The following ADCY10 variants were observed in gnomAD, a reference collection of about 807,000 sequenced individuals.
ADCY10 encodes the protein adenylate cyclase type 10.
A neutral mutation model predicts 183.3 loss-of-function variants in ADCY10; 156 were observed. The ratio of observed to expected loss-of-function variants is 0.85; its 90% CI spans 0.75 to 0.97. The LOEUF (loss-of-function observed/expected upper bound fraction) is 0.97. Among genes scored for constraint, ADCY10 ranks in the 50% least tolerant of loss-of-function variants. ADCY10 has a pLI of 0.00. For synonymous variants in ADCY10, 645 were observed against 670.0 expected, an observed-to-expected ratio of 0.96 and a Z score of 0.58; for missense variants, 1,745 against 1,934.3, an observed-to-expected ratio of 0.90 and a Z score of 1.84.
At chr1:167,880,367 C>T (rs1667787030) in intron 10 of ADCY10, 124 bp downstream of exon 10, 6 of 953,462 alleles carry the variant, frequency 6.3e-6, no homozygotes. Context: ...GGAGGAACAA[C>T]AGTTTGAGAC....
At chr1:167,849,718 A>G (rs935765840) in intron 18 of ADCY10, among the ~76,000 whole-genome samples, 1 of 152,254 alleles carries the variant, frequency 6.6e-6, no homozygotes, top group African/African-American at 2.4e-5. Context: ...GCAAAGAGTA[A>G]CATGTTGTGG....
intron 8 of ADCY10, among the ~76,000 whole-genome samples, chr1:167,884,603 C>T (rs556178674): frequency 3.3e-5 from 5 of 152,108 alleles, no homozygotes; most frequent in African/African-American, 9.6e-5. Context: ...TACTCATTGA[C>T]CACCCCCAAT....
At chr1:167,896,718 C>T in intron 6 of ADCY10, 27 bp from the exon 7 acceptor site, 1 of 1,478,640 alleles carries the variant, frequency 6.8e-7, no homozygotes, top group Non-Finnish European at 9.5e-7. Context: ...GAGAAGTTTT[C>T]AGTTATTCTG....
chr1:167,858,262 G>A (rs1217826431), intron 16 of ADCY10, among the ~76,000 whole-genome samples: 3 of 152,098 alleles, frequency 2.0e-5, no homozygotes, highest in Non-Finnish European at 2.9e-5. Context: ...CACTTTGGGA[G>A]GCTGAGATGG....
At chr1:167,869,202 T>C (rs1391104032) in intron 14 of ADCY10, among the ~76,000 whole-genome samples, 1 of 152,194 alleles carries the variant, frequency 6.6e-6, no homozygotes, top group Non-Finnish European at 1.5e-5. Context: ...AAAACTCTTA[T>C]ATAGGAGTTA....
chr1:167,828,127 CT>C (rs550746650), intron 26 of ADCY10, among the ~76,000 whole-genome samples: 214 of 152,292 alleles, frequency 1.4e-3, no homozygotes, highest in African/African-American at 5.1e-3. Flanking sequence ...CTCTATTTTT[CT>C]TTGGACTATC....
At chr1:167,844,703 C>G (rs997990207) in intron 21 of ADCY10, among the ~76,000 whole-genome samples, 1 of 152,016 alleles carries the variant, frequency 6.6e-6, no homozygotes, top group Non-Finnish European at 1.5e-5. Flanking sequence ...AAATGGAGAA[C>G]GAATGAGAAA....
rs113880591 is a variant in ADCY10 at position 167,845,990 on chromosome 1, C to T, written c.2711G>A (p.Gly904Glu). ...TCACTCCAGGTGCTACTCACCCATC[C>T]CTTCACTGGGCTTCAGAGACAAGGA... ...YRSLSLKPSE[G>E]MDHGEEEQLR... Residue 904 changes from glycine to glutamate, a missense_variant, in exon 20 of 33, where the codon GGG (glycine) becomes GAG (glutamate). Transcript: ENST00000367851. 4.3e-6 allele frequency: 7 copies of T among 1,614,168 alleles called. No individual in the cohort carries two copies. The African/African-American group carries it at 6.7e-5, about 15-fold the overall frequency.
chr1:167,876,800 T>C (rs916504384), intron 12 of ADCY10, among the ~76,000 whole-genome samples: 1 of 152,200 alleles, frequency 6.6e-6, no homozygotes, highest in Non-Finnish European at 1.5e-5. Flanking sequence ...TTGTGAATGC[T>C]TTTGTCAATG....
At chr1:167,902,419 G>T (rs1198501294) in intron 3 of ADCY10, among the ~76,000 whole-genome samples, 1 of 152,188 alleles carries the variant, frequency 6.6e-6, no homozygotes, top group Non-Finnish European at 1.5e-5. Flanking sequence ...GTGTAAGCAT[G>T]GGTGGGTGGA....
chr1:167,848,737 G>A (rs1056510715), intron 18 of ADCY10, among the ~76,000 whole-genome samples: 50 of 151,954 alleles, frequency 3.3e-4, no homozygotes, highest in African/African-American at 1.1e-3. Flanking sequence ...TGCAACCTCC[G>A]CCTCCCAGGT....
At chr1:167,838,975 G>C (rs1163882088) in intron 21 of ADCY10, among the ~76,000 whole-genome samples, 2 of 152,136 alleles carry the variant, frequency 1.3e-5, no homozygotes, top group Non-Finnish European at 2.9e-5. Flanking sequence ...AAGTCCCGTT[G>C]ACCATACCCA....
intron 5 of ADCY10, among the ~76,000 whole-genome samples, 180 bp from the exon 6 acceptor site, chr1:167,899,808 C>A (rs1024444672): frequency 1.3e-5 from 2 of 152,188 alleles, no homozygotes; most frequent in African/African-American, 4.8e-5. Context: ...TTCCAAAGCT[C>A]CCCTTCTTCC....
chr1:167,845,792 A>G lies in ADCY10; in HGVS notation c.2778T>C (p.Ile926=), dbSNP rs12048517. Reference sequence around the variant, plus strand: ...TCTGCATCATAGGGTTACAGAATCGAATCCTGTGGCACTCGATCACCTCAT... The same window carrying G: ...TCTGCATCATAGGGTTACAGAATCGGATCCTGTGGCACTCGATCACCTCAT... The part of the protein sequence containing the change: ...LENEVIECHR[I]RFCNPMMQKT... Residue 926 remains isoleucine (I), a synonymous_variant, in exon 21 of 33, where the codon ATT becomes ATC. Transcript: ENST00000367851. 67,349 of 1,614,116 alleles carry G rather than the reference A, an allele frequency of 0.042. 3,052 individuals are homozygous for G. The highest frequency in any genetic ancestry group is 0.25 in the East Asian group (11,362 of 44,882).
chr1:167,839,785 G>A (rs906968206), intron 21 of ADCY10, among the ~76,000 whole-genome samples: 16 of 152,120 alleles, frequency 1.1e-4, no homozygotes, highest in African/African-American at 2.4e-4. Context: ...ACTATGGTCC[G>A]AATATCTAGG....
At chr1:167,840,345 G>A (rs1174583845) in intron 21 of ADCY10, among the ~76,000 whole-genome samples, 1 of 148,784 alleles carries the variant, frequency 6.7e-6, no homozygotes, top group Admixed American at 6.8e-5. Context: ...TTATTGCTTG[G>A]GTGAATCATA....
intron 13 of ADCY10, among the ~76,000 whole-genome samples, chr1:167,874,812 C>G: frequency 6.6e-6 from 1 of 152,028 alleles, no homozygotes; most frequent in Non-Finnish European, 1.5e-5. Flanking sequence ...CTACACCCAA[C>G]AATATGGATG....
chr1:167,819,313 C>T (rs1288833951), intron 30 of ADCY10, among the ~76,000 whole-genome samples: 5 of 148,408 alleles, frequency 3.4e-5, no homozygotes, highest in African/African-American at 1.0e-4. Context: ...TACAATGGCA[C>T]GATCTCAGCC....
chr1:167,843,601 C>A (rs1455660679), intron 21 of ADCY10, among the ~76,000 whole-genome samples: 1 of 152,076 alleles, frequency 6.6e-6, no homozygotes, highest in African/African-American at 2.4e-5. Flanking sequence ...GGTCTTGTTA[C>A]CCTCCCAAGG....
Sources: allele counts gnomAD v4.1 joint callset (sites outside exome capture counted in the v4.1 genomes callset), GRCh38; gene constraint gnomAD v4.1.1; transcripts MANE v1.5; gene names NCBI Gene and HGNC (gene_info 2026-07-23, HGNC 2026-07-21).